OGFOD2: variants seen among roughly 807,000 people sequenced by gnomAD.
OGFOD2 encodes the protein 2-oxoglutarate and iron-dependent oxygenase domain-containing protein 2.
Under a neutral mutation model 31.1 loss-of-function variants are expected in OGFOD2, and 34 were observed. The observed-to-expected ratio is 1.09, with a 90% CI of 0.83 to 1.45. The LOEUF (loss-of-function observed/expected upper bound fraction) is 1.45. Among genes scored for constraint, OGFOD2 ranks in the 40% most tolerant of loss-of-function variants. OGFOD2 has a pLI of 0.00. For synonymous variants in OGFOD2, 240 were observed against 192.3 expected (o/e 1.25, Z -2.05); for missense variants, 537 against 433.9 (o/e 1.24, Z -2.11).
exon 1 of OGFOD2, chr12:122,975,304 C>T (rs894121071): frequency 5.7e-6 from 4 of 702,118 alleles, no homozygotes; most frequent in African/African-American, 1.7e-5. Context: ...TGCTTCTGCA[C>T]CGATAACTTG....
At chr12:122,977,185 T>A in intron 4 of OGFOD2, 1 of 605,844 alleles carries the variant, frequency 1.7e-6, no homozygotes, top group Non-Finnish European at 3.0e-6. Flanking sequence ...ATTCTTTCCT[T>A]CACCCTTCCT....
chr12:122,977,203 C>G, intron 4 of OGFOD2: 1 of 562,002 alleles, frequency 1.8e-6, no homozygotes, highest in East Asian at 3.3e-5. Flanking sequence ...CCTTCGTGCC[C>G]TCATCCAGCA....
exon 7 of OGFOD2, chr12:122,979,552 G>C: frequency 1.5e-6 from 1 of 652,550 alleles, no homozygotes; most frequent in Non-Finnish European, 2.5e-6. Context: ...AGGGAGTCAG[G>C]GAAGCAGGGG....
chr12:122,975,587 G>A, intron 1 of OGFOD2: 3 of 595,990 alleles, frequency 5.0e-6, no homozygotes, highest in East Asian at 2.8e-5. Context: ...GAATGAACAA[G>A]CATGTAGGGT....
Position 122,978,770 on chromosome 12 carries a change from C to A in OGFOD2, c.549C>A (p.Leu183=), listed in dbSNP as rs200158813. The A allele has an allele frequency of 5.2e-4, 841 of 1,608,706 alleles. 4 individuals carry two copies. In the African/African-American group the frequency reaches 0.01, roughly 20 times the overall value. Reference sequence around the variant, plus strand: ...CCTCCCAGGTGCTGCTGCACGAGCTCGGGCTGGACGAGCCGCTGATGACAC... The same window carrying A: ...CCTCCCAGGTGCTGCTGCACGAGCTAGGGCTGGACGAGCCGCTGATGACAC... Residue 183 remains leucine (L), a synonymous_variant, in exon 6 of 7, where the codon CTC becomes CTA. Transcript: ENST00000228922.
At chr12:122,976,250 C>T in intron 2 of OGFOD2, 1 of 799,082 alleles carries the variant, frequency 1.3e-6, no homozygotes, top group Non-Finnish European at 2.1e-6. Flanking sequence ...ATATACCCCG[C>T]AGGCTGCTGC....
At chr12:122,976,835 G>A in intron 3 of OGFOD2, 36 bp from the exon 4 acceptor site, 4 of 1,594,482 alleles carry the variant, frequency 2.5e-6, no homozygotes, top group Non-Finnish European at 3.4e-6. Flanking sequence ...GGCTGGGGGT[G>A]CTGCCTGCCC....
chr12:122,978,354 G>A, intron 4 of OGFOD2, 88 bp from the exon 5 acceptor site: 1 of 1,542,066 alleles, frequency 6.5e-7, no homozygotes, highest in Non-Finnish European at 8.9e-7. Context: ...CATCTCCATG[G>A]CACAGGTGAT....
At chr12:122,978,828 G>A in exon 6 of OGFOD2, 1 of 1,612,752 alleles carries the variant, frequency 6.2e-7, no homozygotes, top group African/African-American at 1.3e-5. Flanking sequence ...GCCGCTGATG[G>A]CCCTGCTGTA....
At chr12:122,978,531 A>G (rs1408354606) in exon 5 of OGFOD2, 16 of 1,613,302 alleles carry the variant, frequency 9.9e-6, no homozygotes, top group South Asian at 9.9e-5. Context: ...GCAATCGGAC[A>G]TGCCTAAGGG....
Position 122,976,931 on chromosome 12 carries a change from G to A in OGFOD2, c.364G>A (p.Asp122Asn), listed in dbSNP as rs2037451609. ...TGAGTACAGCGTGTCCCCAGACGCA[G>A]ACCTCAAGGGCCTTCTCCAGCGGCT... Residue 122 changes from aspartate to asparagine, a missense_variant, in exon 4 of 7, where the codon GAC (aspartate) becomes AAC (asparagine). By Grantham distance (23) the Asp-to-Asn change is conservative (BLOSUM62 1). Transcript: ENST00000228922. 3 of 1,613,806 alleles carry A rather than the reference G, an allele frequency of 1.9e-6. No homozygotes were observed. In the African/African-American group the frequency reaches 4.0e-5, roughly 22 times the overall value.
upstream of OGFOD2, chr12:122,974,985 C>T (rs1416376382): frequency 1.2e-5 from 4 of 331,734 alleles, no homozygotes; most frequent in Non-Finnish European, 2.2e-5. Context: ...TGTGAAGGCA[C>T]GACCCAGTTC....
upstream of OGFOD2, chr12:122,975,101 C>T (rs2037368834): frequency 5.9e-6 from 3 of 511,910 alleles, no homozygotes; most frequent in Admixed American, 3.3e-5. Context: ...CATCTTTCTC[C>T]GCAGACCGTT....
rs1347045856 is a variant in OGFOD2 at position 122,978,827 on chromosome 12, G to A, written c.606G>A (p.Met202Ile). The A allele has an allele frequency of 6.8e-6, 11 of 1,612,666 alleles. No individual in the cohort carries two copies. The African/African-American group carries it at 8.0e-5, about 12-fold the overall frequency. ...GGGAGCGCTTCCTGCAGCCGCTGAT[G>A]GCCCTGCTGTACCCTGACTGTGGCG... The change falls in exon 6 of 7, where the codon ATG (methionine) becomes ATA (isoleucine). Residue 202 changes from methionine (M) to isoleucine (I), a missense_variant. Transcript: ENST00000228922.
chr12:122,978,162 G>A, intron 4 of OGFOD2: 1 of 316,680 alleles, frequency 3.2e-6, no homozygotes, highest in East Asian at 5.8e-5. Context: ...GTGTCCCTGG[G>A]CTACTTCCTT....
rs746489558 is a variant in OGFOD2 at position 122,978,399 on chromosome 12, C to G, written c.404-43C>G. 6 of 1,605,814 alleles carry G rather than the reference C, an allele frequency of 3.7e-6. No homozygotes were observed. The South Asian group carries it at 6.6e-5, about 18-fold the overall frequency. On this transcript the variant is annotated intron_variant, in intron 4 of 6. Transcript: ENST00000228922. The stretch of plus-strand genomic sequence containing the variant: ...AGACTGAAGCCCAGGCCTGGCCGGC[C>G]CACGGCCACATTCAGGCCAACAGAC...
At chr12:122,978,706 G>A (rs1183617501) in intron 5 of OGFOD2, 47 bp from the exon 6 acceptor site, 3 of 1,591,348 alleles carry the variant, frequency 1.9e-6, no homozygotes, top group Admixed American at 1.7e-5. Flanking sequence ...GAAGCCCAGG[G>A]TTGCAGCCCT....
chr12:122,977,190 C>T, intron 4 of OGFOD2: 1 of 593,004 alleles, frequency 1.7e-6, no homozygotes, highest in Non-Finnish European at 3.1e-6. Flanking sequence ...TTCCTTCACC[C>T]TTCCTTCGTG....
chr12:122,979,024 C>G lies in OGFOD2; in HGVS notation c.789+14C>G. Reference sequence around the variant, plus strand: ...GGCCTCTTCCAGGTGAGTGTGTGACCCATGCGGCAGGGCCTGGGGCAGCTG... The same window carrying G: ...GGCCTCTTCCAGGTGAGTGTGTGACGCATGCGGCAGGGCCTGGGGCAGCTG... On this transcript the variant is annotated intron_variant, in intron 6 of 6. Transcript: ENST00000228922. 6.2e-7 allele frequency: 1 copy of G among 1,609,982 alleles called. No individual in the cohort carries two copies. Among genetic ancestry groups the G allele is most frequent in the Non-Finnish European group, 8.5e-7 (1 of 1,177,626 alleles).
Sources: allele counts gnomAD v4.1 joint callset, GRCh38; gene constraint gnomAD v4.1.1; transcripts MANE v1.5; gene names NCBI Gene and HGNC (gene_info 2026-07-23, HGNC 2026-07-21).